FAAH2: variants seen among roughly 807,000 people sequenced by gnomAD.
FAAH2 encodes fatty acid amide hydrolase 2.
Under a neutral mutation model 36.9 loss-of-function variants are expected in FAAH2, and 60 were observed. The observed-to-expected ratio is 1.63, with a 90% CI of 1.32 to 2.02. The LOEUF is 2.02. FAAH2 is among the 30% of genes most tolerant of loss of function. FAAH2 has a pLI of 0.00. For synonymous variants in FAAH2, 214 were observed against 143.8 expected, an observed-to-expected ratio of 1.49 and a Z score of -3.49; for missense variants, 689 against 397.5, an observed-to-expected ratio of 1.73 and a Z score of -6.23.
intron 3 of FAAH2, among the ~76,000 whole-genome samples, chrX:57,330,883 T>G (rs1042485727): frequency 6.3e-5 from 7 of 110,571 alleles, no homozygotes; most frequent in African/African-American, 2.0e-4. Context: ...TCAGGTGCTA[T>G]CCACCTGACA....
At chrX:57,324,115 T>C (rs2053131138) in intron 3 of FAAH2, among the ~76,000 whole-genome samples, 1 of 111,988 alleles carries the variant, frequency 8.9e-6, no homozygotes, top group South Asian at 3.7e-4. Context: ...CCCCATTGCT[T>C]GTTTTTGTCA....
chrX:57,143,107 C>T, the FAAH2 span, among the ~76,000 whole-genome samples: 2 of 111,070 alleles, frequency 1.8e-5, no homozygotes, highest in South Asian at 7.5e-4. Context: ...CATTTACTGC[C>T]AATATTATTA....
chrX:57,231,955 T>G, the FAAH2 span, among the ~76,000 whole-genome samples: 1 of 110,326 alleles, frequency 9.1e-6, no homozygotes. Context: ...TCTACTTTTC[T>G]AACAAAGGAG....
intron 7 of FAAH2, among the ~76,000 whole-genome samples, chrX:57,414,001 G>A (rs2055769757): frequency 9.0e-6 from 1 of 111,396 alleles, no homozygotes; most frequent in Non-Finnish European, 1.9e-5. Context: ...TCATGATTTG[G>A]CTCTCTGTTT....
intron 10 of FAAH2, among the ~76,000 whole-genome samples, chrX:57,460,175 C>T (rs183917664): frequency 2.2e-3 from 248 of 111,775 alleles, no homozygotes; most frequent in African/African-American, 7.4e-3. Flanking sequence ...AATGAACCTA[C>T]GATGGATTGG....
the FAAH2 span, among the ~76,000 whole-genome samples, chrX:57,143,793 T>C: frequency 8.9e-6 from 1 of 111,837 alleles, no homozygotes; most frequent in Admixed American, 9.5e-5. Context: ...TTATTTTTGA[T>C]AGCTTTGTCT....
At chrX:57,485,368 G>A (rs1422870973) in intron 10 of FAAH2, among the ~76,000 whole-genome samples, 1 of 111,081 alleles carries the variant, frequency 9.0e-6, no homozygotes, top group Non-Finnish European at 1.9e-5. Context: ...TTCAAGCAGG[G>A]GCAGGGGAAG....
the FAAH2 span, among the ~76,000 whole-genome samples, chrX:57,261,552 C>CAAAAAAAAAAAAAAAA: frequency 4.3e-5 from 1 of 23,386 alleles, no homozygotes. Flanking sequence ...GACTCTGTCT[C>CAAAAAAAAAAAAAAAA]AAAAAAAAAA....
the FAAH2 span, among the ~76,000 whole-genome samples, chrX:57,158,896 G>A: frequency 9.0e-4 from 101 of 112,122 alleles, no homozygotes; most frequent in African/African-American, 2.8e-3. Context: ...TGCTTTTGGC[G>A]TTTTAGACAT....
intron 10 of FAAH2, among the ~76,000 whole-genome samples, chrX:57,450,482 G>A (rs1424095446): frequency 9.0e-6 from 1 of 111,630 alleles, no homozygotes; most frequent in Non-Finnish European, 1.9e-5. Context: ...CTACATGTAT[G>A]GGTTAATAAT....
the FAAH2 span, among the ~76,000 whole-genome samples, chrX:57,279,869 C>T: frequency 2.7e-5 from 3 of 111,604 alleles, no homozygotes; most frequent in Admixed American, 9.5e-5. Context: ...TTATGACAAA[C>T]TCACAGCCAA....
intron 5 of FAAH2, among the ~76,000 whole-genome samples, chrX:57,371,369 A>C (rs2054546074): frequency 9.0e-6 from 1 of 111,685 alleles, no homozygotes; most frequent in Non-Finnish European, 1.9e-5. Flanking sequence ...TGTCTGTGTT[A>C]GTTTGCTTAG....
At chrX:57,251,607 C>G in the FAAH2 span, among the ~76,000 whole-genome samples, 2 of 111,740 alleles carry the variant, frequency 1.8e-5, no homozygotes, top group Non-Finnish European at 3.8e-5. Flanking sequence ...CCTAAAGACC[C>G]CACCAAAAAC....
rs371388365 is a variant in FAAH2 at position 57,380,976 on chromosome X, G to C, written c.943G>C (p.Gly315Arg). 1 of 1,201,869 alleles carries C rather than the reference G, an allele frequency of 8.3e-7. No individual in the cohort carries two copies. The highest frequency in any genetic ancestry group is 1.1e-6 in the Non-Finnish European group (1 of 891,105). The change falls in exon 7 of 11, where the codon GGC (glycine) becomes CGC (arginine). Residue 315 changes from glycine to arginine, a missense_variant. Physicochemically the swap from Gly to Arg is moderately radical, Grantham distance 125 (BLOSUM62 -2). Coordinates refer to ENST00000374900, the MANE Select transcript of FAAH2 (RefSeq NM_174912.4). Reference protein sequence around the residue: ...LKFYWMEHDGGSFLMSKVDQD... With the variant: ...LKFYWMEHDGRSFLMSKVDQD... ...ATTTTACTGGATGGAACATGATGGA[G>C]GCTCATTTTTAATGTCCAAAGTGGA...
At chrX:57,363,092 TTA>T (rs2147146552) in intron 5 of FAAH2, among the ~76,000 whole-genome samples, 1 of 112,189 alleles carries the variant, frequency 8.9e-6, no homozygotes, top group South Asian at 3.7e-4. Flanking sequence ...TTAGAATAGA[TTA>T]TTCTAATTCT....
chrX:57,198,772 A>G, the FAAH2 span, among the ~76,000 whole-genome samples: 1 of 112,327 alleles, frequency 8.9e-6, no homozygotes, highest in African/African-American at 3.2e-5. Context: ...GTGAGTGCCT[A>G]CAGGGCTTTT....
chrX:57,409,611 C>A (rs188515592), intron 7 of FAAH2, among the ~76,000 whole-genome samples: 3 of 110,501 alleles, frequency 2.7e-5, no homozygotes, highest in Non-Finnish European at 5.7e-5. Flanking sequence ...AATGACTCAG[C>A]CTTTGTAGTT....
chrX:57,442,969 C>T (rs778792184), intron 8 of FAAH2, among the ~76,000 whole-genome samples: 4 of 111,724 alleles, frequency 3.6e-5, no homozygotes, highest in South Asian at 3.7e-4. Flanking sequence ...GAGTTTCTGC[C>T]GAGAGATCCA....
chrX:57,430,835 G>C (rs1306693617), intron 7 of FAAH2, among the ~76,000 whole-genome samples: 2 of 111,485 alleles, frequency 1.8e-5, no homozygotes, highest in East Asian at 2.8e-4. Flanking sequence ...AAGACGATAG[G>C]GTTCCCACAA....
Sources: gnomAD v4.1 joint callset for allele counts (sites outside exome capture counted in the v4.1 genomes callset) on GRCh38, gnomAD v4.1.1 for gene constraint, MANE v1.5 for transcripts, NCBI Gene and HGNC (gene_info 2026-07-23, HGNC 2026-07-21) for gene names.